Variants in JMJD1C observed in about 807,000 individuals in gnomAD.
The protein encoded by JMJD1C is jumonji domain containing 1C, also known as jumonji domain-containing protein 1C.
JMJD1C carries 31 observed loss-of-function variants against 245.3 expected under a neutral mutation model. That is an observed-to-expected ratio of 0.13 (90% confidence interval 0.09 to 0.17). The LOEUF is 0.17. Ranked by LOEUF, JMJD1C falls within the 10% of genes least tolerant of loss-of-function variation. The pLI is 1.00. For missense variants in JMJD1C, 2,691 were observed against 3,000.2 expected (o/e 0.90, Z 2.41); for synonymous variants, 1,057 against 1,017.4 (o/e 1.04, Z -0.74).
chr10:63,307,243 T>C (rs67586772), intron 2 of JMJD1C, among the ~76,000 whole-genome samples: 30,671 of 152,098 alleles, frequency 0.2, 4,056 homozygotes, highest in Non-Finnish European at 0.29. Flanking sequence ...ACAAAAATAG[T>C]TAACAGATTT....
At position 63,406,027 on chromosome 10, in the gene JMJD1C, T is replaced by C. The variant is rs533930779; in HGVS notation, c.169-25545A>G. Among the ~76,000 whole-genome samples the C allele has an allele frequency of 2.4e-4, 36 of 152,278 alleles. No homozygotes were observed. In the East Asian group the frequency reaches 6.5e-3, roughly 28 times the overall value. ...TACAAAGGAAAACCAAACAAGCCCA[T>C]TGCCTGCATAAATTCAGGAGGCTAA... On this transcript the variant is annotated intron_variant, in intron 1 of 25. Transcript: ENST00000399262.
rs190001942 is a variant in JMJD1C at position 63,398,881 on chromosome 10, G to A, written c.169-18399C>T. Among the ~76,000 whole-genome samples the A allele has an allele frequency of 8.5e-5, 13 of 152,290 alleles. No homozygotes were observed. The East Asian group carries it at 2.5e-3, about 29-fold the overall frequency. ...GCTGGTCTCGAACTCCTAGCCTCAA[G>A]TGTGATTCACATGCTTTGGCCTCCC... On this transcript the variant is annotated intron_variant, in intron 1 of 25. Coordinates refer to ENST00000399262, the MANE Select transcript of JMJD1C (RefSeq NM_032776.3).
chr10:63,222,515 C>T, intron 3 of JMJD1C: 4 of 1,252,626 alleles, frequency 3.2e-6, no homozygotes, highest in African/African-American at 1.5e-5. Flanking sequence ...TGACTGACTG[C>T]ACTTTTGTCC....
chr10:63,340,341 T>C (rs1943255200), intron 2 of JMJD1C, among the ~76,000 whole-genome samples: 1 of 152,190 alleles, frequency 6.6e-6, no homozygotes, highest in African/African-American at 2.4e-5. Flanking sequence ...AAATGGCACA[T>C]ACACAGGCAG....
At chr10:63,424,705 C>T (rs1950337988) in intron 1 of JMJD1C, among the ~76,000 whole-genome samples, 1 of 151,868 alleles carries the variant, frequency 6.6e-6, no homozygotes, top group African/African-American at 2.4e-5. Flanking sequence ...CTGGATCTAT[C>T]ATTCAGACCT....
chr10:63,322,554 C>T (rs1382977780), intron 2 of JMJD1C, among the ~76,000 whole-genome samples: 2 of 152,110 alleles, frequency 1.3e-5, no homozygotes, highest in East Asian at 3.8e-4. Flanking sequence ...GTGGCTCACA[C>T]CTGTACTCCC....
At chr10:63,337,604 A>AAAAG (rs768564993) in intron 2 of JMJD1C, among the ~76,000 whole-genome samples, 1 of 109,916 alleles carries the variant, frequency 9.1e-6, no homozygotes, top group Non-Finnish European at 1.7e-5. Flanking sequence ...AAAAGAAAAG[A>AAAAG]AAAGAAAAGA....
intron 3 of JMJD1C, among the ~76,000 whole-genome samples, chr10:63,258,441 G>A (rs1854258261): frequency 6.6e-6 from 1 of 152,170 alleles, no homozygotes; most frequent in African/African-American, 2.4e-5. Context: ...CCTGAGAACT[G>A]TGCTTAGTGA....
At chr10:63,276,397 C>T (rs985309037) in intron 2 of JMJD1C, among the ~76,000 whole-genome samples, 2 of 143,174 alleles carry the variant, frequency 1.4e-5, no homozygotes, top group African/African-American at 2.6e-5. Context: ...ACCTGGGAGG[C>T]GGAACTTCCA....
At chr10:63,265,310 G>A (rs774049933) in intron 2 of JMJD1C, among the ~76,000 whole-genome samples, 36 of 150,106 alleles carry the variant, frequency 2.4e-4, no homozygotes, top group Non-Finnish European at 4.4e-4. Context: ...CGCAGCTTCG[G>A]TGAGAGAAGC....
intron 2 of JMJD1C, among the ~76,000 whole-genome samples, chr10:63,287,324 C>A (rs1308263831): frequency 2.0e-5 from 3 of 152,220 alleles, no homozygotes; most frequent in African/African-American, 7.2e-5. Flanking sequence ...CAGTAGGAGA[C>A]AACACTGTTC....
chr10:63,440,326 A>G (rs894476395), intron 1 of JMJD1C, among the ~76,000 whole-genome samples: 8 of 143,356 alleles, frequency 5.6e-5, no homozygotes, highest in African/African-American at 1.8e-4. Context: ...CAAGAGCAAC[A>G]CTCTGTCTCA....
At chr10:63,513,329 A>G (rs918504016) in intron 1 of JMJD1C, among the ~76,000 whole-genome samples, 7 of 152,180 alleles carry the variant, frequency 4.6e-5, no homozygotes, top group African/African-American at 1.2e-4. Context: ...TAAGACTTCA[A>G]TGTAAGACCT....
intron 1 of JMJD1C, among the ~76,000 whole-genome samples, chr10:63,457,545 CA>C (rs1346287061): frequency 9.2e-5 from 14 of 151,772 alleles, no homozygotes; most frequent in Non-Finnish European, 1.5e-5. Flanking sequence ...AAACAGTAAG[CA>C]AAGGACTGAA....
At chr10:63,416,961 G>T (rs1311360846) in intron 1 of JMJD1C, among the ~76,000 whole-genome samples, 2 of 152,144 alleles carry the variant, frequency 1.3e-5, no homozygotes, top group Non-Finnish European at 2.9e-5. Context: ...TTACTAGTCT[G>T]AAAACATCTA....
chr10:63,316,353 T>G (rs866615042), intron 2 of JMJD1C, among the ~76,000 whole-genome samples: 9 of 152,256 alleles, frequency 5.9e-5, no homozygotes, highest in African/African-American at 2.2e-4. Flanking sequence ...TACTTGTCAC[T>G]GCTTTTGAGG....
chr10:63,269,578 G>A (rs1019964347), intron 2 of JMJD1C, among the ~76,000 whole-genome samples: 2 of 151,978 alleles, frequency 1.3e-5, no homozygotes, highest in Non-Finnish European at 2.9e-5. Flanking sequence ...TTTTGGGCAC[G>A]ATTTATTTAT....
intron 1 of JMJD1C, among the ~76,000 whole-genome samples, chr10:63,444,910 G>A (rs1231320458): frequency 1.3e-5 from 2 of 152,134 alleles, no homozygotes; most frequent in African/African-American, 2.4e-5. Flanking sequence ...AGAAAAAGAA[G>A]TACAATGTTT....
chr10:63,465,467 G>T (rs754078440), intron 1 of JMJD1C, 28 bp downstream of exon 1: 7 of 1,570,594 alleles, frequency 4.5e-6, no homozygotes, highest in Non-Finnish European at 6.0e-6. Context: ...GGCGCGGCAG[G>T]GGAAAAGGGG....
Sources: gnomAD v4.1 joint callset for allele counts (sites outside exome capture counted in the v4.1 genomes callset) on GRCh38, gnomAD v4.1.1 for gene constraint, MANE v1.5 for transcripts, NCBI Gene and HGNC (gene_info 2026-07-23, HGNC 2026-07-21) for gene names.